The following HEMK2 variants were observed in gnomAD, a reference collection of about 807,000 sequenced individuals.
The protein encoded by HEMK2 is HemK methyltransferase 2, ETF1 glutamine and histone H4 lysine.
At chr21:28,703,427 A>C in the HEMK2 span, among the ~76,000 whole-genome samples, 1 of 152,150 alleles carries the variant, frequency 6.6e-6, no homozygotes, top group Non-Finnish European at 1.5e-5. Flanking sequence ...GGTTAAGGCC[A>C]GGGAGAGAAT....
At chr21:28,693,262 G>A in the HEMK2 span, among the ~76,000 whole-genome samples, 1 of 152,132 alleles carries the variant, frequency 6.6e-6, no homozygotes. Flanking sequence ...ATGAGAACAG[G>A]AGAGGAACTA....
chr21:28,621,458 C>T, the HEMK2 span, among the ~76,000 whole-genome samples: 1 of 152,088 alleles, frequency 6.6e-6, no homozygotes, highest in South Asian at 2.1e-4. Flanking sequence ...ACAGTTATCT[C>T]GTCTTGTTGC....
chr21:28,626,674 T>A, the HEMK2 span: 2 of 152,040 alleles, frequency 1.3e-5, no homozygotes, highest in South Asian at 4.1e-4. Context: ...CCAGGCCCCA[T>A]CTCTACATAA....
the HEMK2 span, among the ~76,000 whole-genome samples, chr21:28,816,603 C>T: frequency 6.6e-6 from 1 of 152,150 alleles, no homozygotes; most frequent in Non-Finnish European, 1.5e-5. Context: ...ATCGCTTGAG[C>T]CCAGGAGTTG....
chr21:28,786,229 A>G, the HEMK2 span, among the ~76,000 whole-genome samples: 1 of 152,246 alleles, frequency 6.6e-6, no homozygotes, highest in East Asian at 1.9e-4. Flanking sequence ...GAAATGGTAC[A>G]ATATCATCTT....
the HEMK2 span, among the ~76,000 whole-genome samples, chr21:28,736,057 A>G: frequency 6.6e-6 from 1 of 152,226 alleles, no homozygotes; most frequent in Admixed American, 6.5e-5. Context: ...AAGGAGCTAC[A>G]AGGGCACATT....
chr21:28,853,998 C>T, the HEMK2 span, among the ~76,000 whole-genome samples: 15 of 152,164 alleles, frequency 9.9e-5, no homozygotes, highest in Non-Finnish European at 1.9e-4. Flanking sequence ...TCCACAATTT[C>T]AGCTCTTTCT....
chr21:28,763,883 C>T, the HEMK2 span, among the ~76,000 whole-genome samples: 1 of 151,888 alleles, frequency 6.6e-6, no homozygotes, highest in Admixed American at 6.6e-5. Flanking sequence ...ACATGGACCA[C>T]ATGGAGCAGA....
At chr21:28,652,707 T>G in the HEMK2 span, among the ~76,000 whole-genome samples, 1 of 151,908 alleles carries the variant, frequency 6.6e-6, no homozygotes, top group Admixed American at 6.6e-5. Context: ...CATTATTTAT[T>G]TTCATTTGAG....
chr21:28,716,074 T>C, the HEMK2 span, among the ~76,000 whole-genome samples: 1 of 152,346 alleles, frequency 6.6e-6, no homozygotes, highest in South Asian at 2.1e-4. Flanking sequence ...TTGAGTATTG[T>C]GATGCTTCCA....
chr21:28,875,252 T>G, the HEMK2 span: 1 of 152,262 alleles, frequency 6.6e-6, no homozygotes, highest in East Asian at 1.9e-4. Flanking sequence ...TATCCAACTT[T>G]GTGCGTTGGT....
the HEMK2 span, among the ~76,000 whole-genome samples, chr21:28,816,873 A>G: frequency 5.9e-5 from 9 of 152,348 alleles, no homozygotes; most frequent in East Asian, 1.7e-3. Context: ...CCAGACTGAA[A>G]GCAGAGAAAA....
the HEMK2 span, among the ~76,000 whole-genome samples, chr21:28,820,384 C>T: frequency 1.2e-4 from 19 of 152,168 alleles, no homozygotes; most frequent in Non-Finnish European, 1.0e-4. Flanking sequence ...TTTTCATTAA[C>T]TGAACCCATA....
At chr21:28,689,760 G>C in the HEMK2 span, among the ~76,000 whole-genome samples, 1 of 152,142 alleles carries the variant, frequency 6.6e-6, no homozygotes, top group South Asian at 2.1e-4. Flanking sequence ...TGGGACCAAT[G>C]TGATCACATG....
the HEMK2 span, among the ~76,000 whole-genome samples, chr21:28,837,520 A>G: frequency 3.3e-5 from 5 of 152,200 alleles, no homozygotes; most frequent in African/African-American, 1.2e-4. Flanking sequence ...ACCACTTATC[A>G]AAACCTCTGG....
At chr21:28,730,970 TC>T in the HEMK2 span, among the ~76,000 whole-genome samples, 1 of 150,836 alleles carries the variant, frequency 6.6e-6, no homozygotes, top group Non-Finnish European at 1.5e-5. Flanking sequence ...CTCTACCCCA[TC>T]CCAGCAGGAA....
chr21:28,808,548 T>C, the HEMK2 span, among the ~76,000 whole-genome samples: 1 of 152,152 alleles, frequency 6.6e-6, no homozygotes, highest in African/African-American at 2.4e-5. Flanking sequence ...ATTTGGGTCT[T>C]GTTTAATTTC....
chr21:28,882,369 A>G, the HEMK2 span: 1 of 672,314 alleles, frequency 1.5e-6, no homozygotes, highest in Non-Finnish European at 2.5e-6. Context: ...AAAAAAAATT[A>G]GAACGTATTC....
At chr21:28,857,216 CTTTA>C in the HEMK2 span, among the ~76,000 whole-genome samples, 1 of 151,834 alleles carries the variant, frequency 6.6e-6, no homozygotes, top group African/African-American at 2.4e-5. Context: ...GTATAAAGTT[CTTTA>C]TTTTATTGAA....
Sources: allele counts gnomAD v4.1 joint callset (sites outside exome capture counted in the v4.1 genomes callset), GRCh38; gene constraint gnomAD v4.1.1; transcripts MANE v1.5; gene names NCBI Gene and HGNC (gene_info 2026-07-23, HGNC 2026-07-21).